The following PBRM1 variants were observed in gnomAD, a reference collection of about 807,000 sequenced individuals.
PBRM1 encodes protein polybromo-1.
A neutral mutation model predicts 194.5 loss-of-function variants in PBRM1; 27 were observed. The ratio of observed to expected loss-of-function variants is 0.14; its 90% CI spans 0.10 to 0.19. The LOEUF is 0.19. PBRM1 is among the 10% of genes least tolerant of loss of function. PBRM1 has a pLI of 1.00. For missense variants in PBRM1, 1,466 were observed against 2,077.2 expected (o/e 0.71, Z 5.72); for synonymous variants, 655 against 693.2 (o/e 0.94, Z 0.87).
At chr3:52,589,742 A>C (rs974088455) in intron 17 of PBRM1, among the ~76,000 whole-genome samples, 1 of 152,186 alleles carries the variant, frequency 6.6e-6, no homozygotes, top group Non-Finnish European at 1.5e-5. Context: ...TCTACAATAT[A>C]CTATAAACTA....
chr3:52,602,427 A>G lies in PBRM1; in HGVS notation c.2779+1094T>C, dbSNP rs554342444. Among the ~76,000 whole-genome samples, 7 of 152,308 alleles carry G rather than the reference A, an allele frequency of 4.6e-5. No individual in the cohort carries two copies. In the East Asian group the frequency reaches 1.4e-3, roughly 29 times the overall value. On this transcript the variant is annotated intron_variant, in intron 17 of 29. Transcript: ENST00000296302. Reference sequence around the variant, plus strand: ...GGGGGATGCACTCAAAGTTGCAGCCAATTTTCAAGTATCCTTTGGATTCTG... The same window carrying G: ...GGGGGATGCACTCAAAGTTGCAGCCGATTTTCAAGTATCCTTTGGATTCTG...
intron 22 of PBRM1, among the ~76,000 whole-genome samples, chr3:52,569,892 T>C (rs2086494039): frequency 6.6e-6 from 1 of 152,246 alleles, no homozygotes; most frequent in Non-Finnish European, 1.5e-5. Context: ...TAGACTTCTG[T>C]TTCTTCTAAC....
At chr3:52,649,382 T>C (rs929647486) in intron 6 of PBRM1, among the ~76,000 whole-genome samples, 3 of 152,116 alleles carry the variant, frequency 2.0e-5, no homozygotes, top group South Asian at 2.1e-4. Context: ...ATTAATGCAA[T>C]GGCCAGGAAT....
At chr3:52,624,310 C>G (rs1461240078) in intron 13 of PBRM1, among the ~76,000 whole-genome samples, 2 of 152,214 alleles carry the variant, frequency 1.3e-5, no homozygotes, top group Non-Finnish European at 2.9e-5. Flanking sequence ...AACTGATACT[C>G]TGTGAATGTC....
chr3:52,641,446 CAA>C (rs386396638), intron 10 of PBRM1, among the ~76,000 whole-genome samples: 6 of 69,950 alleles, frequency 8.6e-5, no homozygotes, highest in Admixed American at 1.8e-4. Flanking sequence ...GACTCCATCT[CAA>C]AAAAAAAAAA....
At chr3:52,675,748 C>T (rs1308666089) in intron 2 of PBRM1, among the ~76,000 whole-genome samples, 1 of 152,114 alleles carries the variant, frequency 6.6e-6, no homozygotes, top group African/African-American at 2.4e-5. Flanking sequence ...GACAAAGGCG[C>T]CAAAACCATT....
At chr3:52,647,079 A>T (rs2096314332) in intron 7 of PBRM1, among the ~76,000 whole-genome samples, 1 of 152,134 alleles carries the variant, frequency 6.6e-6, no homozygotes, top group Admixed American at 6.5e-5. Context: ...TAACACAATT[A>T]AAAAATGGGC....
rs1396571484 is a variant in PBRM1, at chr3:52,658,251, T to C, written c.593A>G (p.Asn198Ser). 27 of 1,613,172 alleles carry C rather than the reference T, an allele frequency of 1.7e-5. No homozygotes were observed. In the Admixed American group the frequency reaches 4.5e-4, roughly 27 times the overall value. ...TTCGCTAATGAGACGTCCTGATGGA[T>C]TTGTAGCTACAACTATGGCTTCAAG... Residue 198 changes from asparagine (N) to serine (S), a missense_variant, in exon 5 of 30, where the codon AAT (asparagine) becomes AGT (serine). Transcript: ENST00000296302.
At chr3:52,552,268 C>G (rs2081158244) in intron 27 of PBRM1, among the ~76,000 whole-genome samples, 1 of 152,128 alleles carries the variant, frequency 6.6e-6, no homozygotes, top group Non-Finnish European at 1.5e-5. Context: ...CTTTGCAGGG[C>G]AGCACAAATC....
exon 14 of PBRM1, chr3:52,617,416 T>C (rs754768297): frequency 3.7e-6 from 6 of 1,613,952 alleles, no homozygotes; most frequent in Non-Finnish European, 4.2e-6. Context: ...ATAATCAGGA[T>C]AGTCCTTTTT....
chr3:52,646,027 T>C (rs998260542), intron 7 of PBRM1, among the ~76,000 whole-genome samples: 1 of 152,194 alleles, frequency 6.6e-6, no homozygotes, highest in Non-Finnish European at 1.5e-5. Flanking sequence ...TGAATGTACT[T>C]GCTTAAGTTT....
At chr3:52,554,739 C>A in exon 27 of PBRM1, 2 of 1,556,012 alleles carry the variant, frequency 1.3e-6, no homozygotes, top group Non-Finnish European at 1.7e-6. Context: ...GGTGGGATGC[C>A]CGGGAGGCCA....
intron 4 of PBRM1, 83 bp from the exon 6 acceptor site, chr3:52,658,398 A>C: frequency 8.5e-6 from 6 of 708,786 alleles, no homozygotes; most frequent in Non-Finnish European, 1.4e-5. Context: ...TGTAGAGCTA[A>C]TTCAAAACAG....
intron 21 of PBRM1, among the ~76,000 whole-genome samples, chr3:52,578,474 G>C (rs953301539): frequency 1.3e-5 from 2 of 152,152 alleles, no homozygotes; most frequent in Non-Finnish European, 2.9e-5. Flanking sequence ...GGGACTCAGG[G>C]AATGAACTAC....
chr3:52,604,421 C>T (rs1424454392), intron 16 of PBRM1, among the ~76,000 whole-genome samples: 1 of 152,200 alleles, frequency 6.6e-6, no homozygotes, highest in Admixed American at 6.5e-5. Flanking sequence ...AATAAAGCGG[C>T]CAGGCATGGT....
Position 52,609,595 on chromosome 3 carries a change from T to C in PBRM1, c.2285A>G (p.Asp762Gly). 1 of 1,613,046 alleles carries C rather than the reference T, an allele frequency of 6.2e-7. No homozygotes were observed. The highest frequency in any genetic ancestry group is 1.1e-5 in the South Asian group (1 of 90,796). Residue 762 changes from aspartate (D) to glycine (G), a missense_variant, in exon 16 of 30, where the codon GAC (aspartate) becomes GGC (glycine). Coordinates refer to ENST00000296302, the Ensembl canonical transcript of PBRM1. This position sits in a 1 kb window ranked among gnomAD's most constrained non-coding sequence, Gnocchi z 4.1. ...ATGAGAGTCCTCATCTCCCTCCAGG[T>C]CTCTGCGTGTTTCAAGCAGGACTTT...
chr3:52,568,001 TG>T (rs2085898211), intron 22 of PBRM1, among the ~76,000 whole-genome samples: 1 of 151,876 alleles, frequency 6.6e-6, no homozygotes, highest in Non-Finnish European at 1.5e-5. Context: ...TTTTTTAAGA[TG>T]GAGTCTCGCT....
chr3:52,586,533 A>G (rs2153769838), exon 20 of PBRM1: 1 of 1,614,080 alleles, frequency 6.2e-7, no homozygotes. Flanking sequence ...CGCGAACCAC[A>G]GGCAGAGGCA....
At position 52,634,820 on chromosome 3, in the gene PBRM1, A is replaced by G. The variant is rs1169289694; in HGVS notation, c.1088-5T>C. ...CTCCCTCTTCATAGCGTGCAGCTGG[A>G]AAGACAAAAAAAGTATTTATAAAGG... On this transcript the variant is annotated splice_region_variant and splice_polypyrimidine_tract_variant and intron_variant, in intron 10 of 29. Coordinates refer to ENST00000296302, the Ensembl canonical transcript of PBRM1. 6.3e-7 allele frequency: 1 copy of G among 1,598,222 alleles called. No homozygotes were observed. Among genetic ancestry groups the G allele is most frequent in the East Asian group, 2.2e-5 (1 of 44,778 alleles).
Sources: allele counts gnomAD v4.1 joint callset (sites outside exome capture counted in the v4.1 genomes callset), GRCh38; gene constraint gnomAD v4.1.1; non-coding constraint Gnocchi (gnomAD v3.1); transcripts MANE v1.5; gene names NCBI Gene and HGNC (gene_info 2026-07-23, HGNC 2026-07-21).